The following SHISA6 variants were observed in gnomAD, a reference collection of about 807,000 sequenced individuals.
SHISA6 encodes the protein shisa family member 6, also known as protein shisa-6.
SHISA6 carries 22 observed loss-of-function variants against 47.9 expected under a neutral mutation model. The observed-to-expected ratio is 0.46, with a 90% CI of 0.33 to 0.66. The LOEUF (loss-of-function observed/expected upper bound fraction) is 0.66, where lower values mean the gene tolerates loss of function less well. Among genes scored for constraint, SHISA6 ranks in the 30% least tolerant of loss-of-function variants. SHISA6 has a pLI of 0.02. For missense variants in SHISA6, 680 were observed against 764.6 expected (o/e 0.89, Z 1.30); for synonymous variants, 388 against 337.8 (o/e 1.15, Z -1.63).
At chr17:11,520,624 C>T (rs756813457) in intron 3 of SHISA6, among the ~76,000 whole-genome samples, 15 of 152,150 alleles carry the variant, frequency 9.9e-5, no homozygotes, top group Non-Finnish European at 1.9e-4. Flanking sequence ...CTCTTTCCTA[C>T]GTCAGGGGCC....
chr17:11,309,787 T>A (rs1910252034), intron 2 of SHISA6, among the ~76,000 whole-genome samples: 1 of 152,230 alleles, frequency 6.6e-6, no homozygotes, highest in Non-Finnish European at 1.5e-5. Flanking sequence ...TCTTTTAAGG[T>A]TCTTCCTGTA....
intron 3 of SHISA6, among the ~76,000 whole-genome samples, chr17:11,463,163 A>T (rs1433119166): frequency 6.6e-6 from 1 of 152,204 alleles, no homozygotes; most frequent in African/African-American, 2.4e-5. Context: ...GGGACCCTCA[A>T]CAGGTCATCT....
intron 3 of SHISA6, among the ~76,000 whole-genome samples, chr17:11,397,734 G>A (rs192987318): frequency 6.7e-6 from 1 of 148,754 alleles, no homozygotes; most frequent in East Asian, 2.0e-4. Context: ...TAAGTTATTT[G>A]ATCTTTTTGT....
intron 3 of SHISA6, among the ~76,000 whole-genome samples, chr17:11,516,318 C>A (rs2142359175): frequency 6.6e-6 from 1 of 152,306 alleles, no homozygotes; most frequent in East Asian, 1.9e-4. Context: ...GAGTCTAATT[C>A]CACAGTCATC....
chr17:11,540,469 A>C (rs1174951668), intron 3 of SHISA6, among the ~76,000 whole-genome samples: 1 of 152,168 alleles, frequency 6.6e-6, no homozygotes, highest in Non-Finnish European at 1.5e-5. Flanking sequence ...GGGTTCCAGA[A>C]GCCACTCCTT....
At chr17:11,256,924 G>T (rs1421705960) in intron 1 of SHISA6, among the ~76,000 whole-genome samples, 1 of 152,166 alleles carries the variant, frequency 6.6e-6, no homozygotes, top group Non-Finnish European at 1.5e-5. Context: ...CACTGGGATG[G>T]AGAAACTCGC....
intron 3 of SHISA6, among the ~76,000 whole-genome samples, chr17:11,411,933 T>A (rs371942297): frequency 6.6e-6 from 1 of 152,226 alleles, no homozygotes; most frequent in Non-Finnish European, 1.5e-5. Flanking sequence ...CATAAATGCC[T>A]ACCAATGTAT....
intron 1 of SHISA6, among the ~76,000 whole-genome samples, chr17:11,247,497 T>C (rs1314869991): frequency 2.0e-5 from 3 of 152,134 alleles, no homozygotes; most frequent in Non-Finnish European, 2.9e-5. Flanking sequence ...TTTTTGAAAT[T>C]ATGGTGAATT....
chr17:11,351,769 G>T (rs548730736), intron 2 of SHISA6, among the ~76,000 whole-genome samples: 14 of 152,338 alleles, frequency 9.2e-5, no homozygotes, highest in African/African-American at 3.4e-4. Flanking sequence ...AGCATTTTAG[G>T]AAGTCAGGAA....
At chr17:11,540,752 G>GAGGAAGGATATAGTATGC (rs1567634091) in intron 3 of SHISA6, among the ~76,000 whole-genome samples, 1 of 152,202 alleles carries the variant, frequency 6.6e-6, no homozygotes, top group Admixed American at 6.5e-5. Flanking sequence ...AAATGTCTGA[G>GAGGAAGGATATAGTATGC]AGGAAGGATA....
intron 3 of SHISA6, among the ~76,000 whole-genome samples, chr17:11,399,774 C>T (rs1037756450): frequency 7.9e-5 from 12 of 152,028 alleles, no homozygotes; most frequent in African/African-American, 2.9e-4. Flanking sequence ...ATCAGAAAAA[C>T]GTTTATGGAA....
At chr17:11,382,216 G>T (rs1913035099) in intron 3 of SHISA6, among the ~76,000 whole-genome samples, 1 of 152,092 alleles carries the variant, frequency 6.6e-6, no homozygotes, top group African/African-American at 2.4e-5. Flanking sequence ...GGGACTACAG[G>T]CGCATGCTCC....
At chr17:11,289,091 G>C (rs2142167078) in intron 2 of SHISA6, 1 of 152,178 alleles carries the variant, frequency 6.6e-6, no homozygotes, top group Non-Finnish European at 1.5e-5. Flanking sequence ...TGGTAAAGAG[G>C]TATACTTTAA....
intron 2 of SHISA6, among the ~76,000 whole-genome samples, chr17:11,373,076 C>A (rs1873027597): frequency 6.6e-6 from 1 of 151,456 alleles, no homozygotes; most frequent in African/African-American, 2.4e-5. Flanking sequence ...GTTTGCCAAT[C>A]TTTTCTTAAT....
intron 3 of SHISA6, among the ~76,000 whole-genome samples, chr17:11,550,031 C>T (rs566494546): frequency 1.8e-4 from 28 of 152,190 alleles, no homozygotes; most frequent in African/African-American, 6.7e-4. Context: ...TTCCCAAACC[C>T]ACCCCCACTG....
intron 2 of SHISA6, among the ~76,000 whole-genome samples, chr17:11,311,141 G>A (rs377281746): frequency 3.3e-5 from 5 of 150,364 alleles, no homozygotes; most frequent in African/African-American, 1.2e-4. Context: ...AATTAGCCGG[G>A]TGTGGTGGCA....
At position 11,555,819 on chromosome 17, in the gene SHISA6, G is replaced by C. The variant is rs1477815741; in HGVS notation, c.1032G>C (p.Leu344Phe). 1.3e-6 allele frequency: 2 copies of C among 1,550,942 alleles called. No individual in the cohort carries two copies. The highest frequency in any genetic ancestry group is 1.7e-6 in the Non-Finnish European group (2 of 1,146,732). The change falls in exon 5 of 6, where the codon TTG becomes TTC. Residue 344 changes from leucine (L) to phenylalanine (F), a missense_variant. Around this residue, in one of 2 missense-constraint regions of SHISA6, gnomAD observed 559 missense variants for 674.1 expected, o/e 0.83. Transcript: ENST00000441885. ...CCTTCTCCCGCTCGTTCCAGAACTTGGCCCACCTGCCCCCATCCTACGAGT... is the reference window on the plus strand; with the variant it reads ...CCTTCTCCCGCTCGTTCCAGAACTTCGCCCACCTGCCCCCATCCTACGAGT... ...DLSFSRSFQN[L>F]AHLPPSYESA...
chr17:11,303,228 TCA>T (rs762027328), intron 2 of SHISA6, among the ~76,000 whole-genome samples: 10 of 152,022 alleles, frequency 6.6e-5, no homozygotes, highest in Non-Finnish European at 1.2e-4. Context: ...TGTGTAAGAT[TCA>T]GTGTGATTGT....
chr17:11,403,743 TA>T (rs1913854299), intron 3 of SHISA6, among the ~76,000 whole-genome samples: 1 of 152,258 alleles, frequency 6.6e-6, no homozygotes, highest in South Asian at 2.1e-4. Flanking sequence ...CTGTAGTACC[TA>T]ATTACATAGG....
Sources: gnomAD v4.1 joint callset for allele counts (sites outside exome capture counted in the v4.1 genomes callset) on GRCh38, gnomAD v4.1.1 for gene constraint, gnomAD v4.1.1 regional missense constraint, MANE v1.5 for transcripts, NCBI Gene and HGNC (gene_info 2026-07-23, HGNC 2026-07-21) for gene names.